LRRC7: variants seen among roughly 807,000 people sequenced by gnomAD.
LRRC7 encodes leucine-rich repeat-containing protein 7.
A neutral mutation model predicts 175.7 loss-of-function variants in LRRC7; 23 were observed. That is an observed-to-expected ratio of 0.13 (90% confidence interval 0.09 to 0.19). The LOEUF is 0.19. LRRC7 is among the 10% of genes least tolerant of loss of function. The pLI, the probability that LRRC7 is intolerant of heterozygous loss-of-function variation, is 1.00. For synonymous variants in LRRC7, 685 were observed against 680.9 expected, an observed-to-expected ratio of 1.01 and a Z score of -0.09; for missense variants, 1,354 against 1,904.7, an observed-to-expected ratio of 0.71 and a Z score of 5.38.
At chr1:69,831,343 A>G (rs1026838629) in intron 5 of LRRC7, among the ~76,000 whole-genome samples, 7 of 152,030 alleles carry the variant, frequency 4.6e-5, no homozygotes, top group Admixed American at 2.6e-4. Context: ...TGCCATTCTC[A>G]TAACAACTGT....
chr1:69,995,712 C>G (rs1288984168), intron 11 of LRRC7, among the ~76,000 whole-genome samples: 6 of 152,062 alleles, frequency 3.9e-5, no homozygotes, highest in African/African-American at 7.2e-5. Flanking sequence ...TTTCATCCAT[C>G]TCCCTACAAA....
intron 2 of LRRC7, among the ~76,000 whole-genome samples, chr1:69,696,399 A>G (rs1042379079): frequency 6.6e-6 from 1 of 152,120 alleles, no homozygotes; most frequent in Non-Finnish European, 1.5e-5. Context: ...GAAGTAAATA[A>G]CTTGTTTTTT....
chr1:69,654,255 A>T (rs1656285625), intron 1 of LRRC7, among the ~76,000 whole-genome samples: 1 of 152,052 alleles, frequency 6.6e-6, no homozygotes, highest in Admixed American at 6.6e-5. Context: ...AAATATCAAA[A>T]AAGGGGAAAC....
chr1:69,749,988 G>A (rs1669668602), intron 2 of LRRC7, among the ~76,000 whole-genome samples: 1 of 151,918 alleles, frequency 6.6e-6, no homozygotes, highest in Non-Finnish European at 1.5e-5. Flanking sequence ...TTGAACCCGG[G>A]AGGTGGAGGT....
At chr1:69,717,932 G>A (rs765891490) in intron 2 of LRRC7, among the ~76,000 whole-genome samples, 893 of 11,416 alleles carry the variant, frequency 0.078, 117 homozygotes, top group Middle Eastern at 0.25. Context: ...AAAAAGAAAA[G>A]AAAGAAAGAA....
intron 2 of LRRC7, among the ~76,000 whole-genome samples, chr1:69,709,437 C>A (rs187264102): frequency 8.5e-4 from 130 of 152,262 alleles, no homozygotes; most frequent in African/African-American, 2.9e-3. Flanking sequence ...CAGAAAGAAT[C>A]AATCTTCTTA....
At chr1:70,027,021 G>A (rs949416965) in intron 17 of LRRC7, among the ~76,000 whole-genome samples, 7 of 151,804 alleles carry the variant, frequency 4.6e-5, no homozygotes, top group Non-Finnish European at 8.8e-5. Flanking sequence ...GGGTGGGTGC[G>A]GATGTGCCCC....
intron 7 of LRRC7, among the ~76,000 whole-genome samples, chr1:69,840,749 C>A (rs958867491): frequency 6.6e-6 from 1 of 151,996 alleles, no homozygotes; most frequent in Non-Finnish European, 1.5e-5. Context: ...TTTGGATACA[C>A]ATTTGCCTAA....
At chr1:69,710,102 C>A (rs1474073756) in intron 2 of LRRC7, among the ~76,000 whole-genome samples, 1 of 151,572 alleles carries the variant, frequency 6.6e-6, no homozygotes, top group African/African-American at 2.4e-5. Context: ...ACAGTGAAAC[C>A]CCATATTTAC....
intron 7 of LRRC7, among the ~76,000 whole-genome samples, chr1:69,843,410 GAA>G (rs1426932111): frequency 6.6e-6 from 1 of 152,044 alleles, no homozygotes; most frequent in African/African-American, 2.4e-5. Context: ...TATCATCTGT[GAA>G]GTTTTTTAAT....
chr1:69,962,803 A>G (rs1217835143), intron 8 of LRRC7, among the ~76,000 whole-genome samples: 3 of 152,068 alleles, frequency 2.0e-5, no homozygotes, highest in African/African-American at 7.2e-5. Context: ...AGGGGGAACA[A>G]CACCCACTGG....
intron 7 of LRRC7, among the ~76,000 whole-genome samples, chr1:69,865,469 C>CTTTTCTT (rs1684820859): frequency 2.0e-5 from 1 of 51,262 alleles, no homozygotes; most frequent in Non-Finnish European, 3.4e-5. Flanking sequence ...AAGACAGTTC[C>CTTTTCTT]TTTTTTTTTT....
chr1:69,806,506 TG>T (rs758753010), intron 4 of LRRC7, among the ~76,000 whole-genome samples: 6 of 152,088 alleles, frequency 3.9e-5, no homozygotes, highest in Non-Finnish European at 8.8e-5. Context: ...CACTTTACAA[TG>T]CTACTAAAAT....
intron 21 of LRRC7, among the ~76,000 whole-genome samples, chr1:70,040,019 A>C (rs1659725277): frequency 6.6e-6 from 1 of 152,230 alleles, no homozygotes; most frequent in Non-Finnish European, 1.5e-5. Context: ...CATCAAATCT[A>C]ACCCAAATAT....
Position 69,828,809 on chromosome 1 carries a change from C to T in LRRC7, c.500+2983C>T, listed in dbSNP as rs115073660. On this transcript the variant is annotated intron_variant, in intron 5 of 26. Coordinates refer to ENST00000651989, the MANE Select transcript of LRRC7 (RefSeq NM_001370785.2). ...TTTCCAGCTAGAATAGAAACTTCTA[C>T]GTTGTGTTCTTATTCACAACATATA... Among the ~76,000 whole-genome samples the T allele has an allele frequency of 7.5e-3, 1,140 of 151,924 alleles. 7 individuals carry two copies. Among genetic ancestry groups the T allele is most frequent in the Non-Finnish European group, 0.011 (775 of 67,864 alleles).
At chr1:69,860,816 T>C (rs1684282533) in intron 7 of LRRC7, among the ~76,000 whole-genome samples, 2 of 152,088 alleles carry the variant, frequency 1.3e-5, no homozygotes, top group South Asian at 4.1e-4. Context: ...AAGACATACA[T>C]AACTTCTTAT....
At chr1:69,804,361 T>G (rs1253172675) in intron 4 of LRRC7, among the ~76,000 whole-genome samples, 2 of 151,480 alleles carry the variant, frequency 1.3e-5, no homozygotes, top group Admixed American at 6.6e-5. Flanking sequence ...CCACATTTTA[T>G]GATTTTTACA....
rs147489823 is a variant in LRRC7, at chr1:69,783,572, G to T, written c.304-8471G>T. On this transcript the variant is annotated intron_variant, in intron 3 of 26. Coordinates refer to ENST00000651989, the MANE Select transcript of LRRC7 (RefSeq NM_001370785.2). Reference sequence around the variant, plus strand: ...AGGAGTTCAAGAGCAGCAACATGGCGGAACCCTGTCTCTACTAAAAATACA... The same window carrying T: ...AGGAGTTCAAGAGCAGCAACATGGCTGAACCCTGTCTCTACTAAAAATACA... Among the ~76,000 whole-genome samples, 817 of 151,956 alleles carry T rather than the reference G, an allele frequency of 5.4e-3. 1 individual carries two copies. The highest frequency in any genetic ancestry group is 8.1e-3 in the Non-Finnish European group (552 of 67,978).
intron 4 of LRRC7, among the ~76,000 whole-genome samples, chr1:69,812,925 A>T (rs1026698064): frequency 2.0e-5 from 3 of 152,136 alleles, no homozygotes; most frequent in South Asian, 4.1e-4. Flanking sequence ...CTGTAACTAG[A>T]TGCAATTTAA....
Sources: allele counts gnomAD v4.1 joint callset (sites outside exome capture counted in the v4.1 genomes callset), GRCh38; gene constraint gnomAD v4.1.1; transcripts MANE v1.5; gene names NCBI Gene and HGNC (gene_info 2026-07-23, HGNC 2026-07-21).